XIRP2: variants seen among roughly 807,000 people sequenced by gnomAD.
XIRP2 encodes the protein xin actin binding repeat containing 2.
In XIRP2, 236 loss-of-function variants were observed where a neutral mutation model predicts 277.0. That is an observed-to-expected ratio of 0.85 (90% CI 0.77 to 0.95). The LOEUF is 0.95. XIRP2 is among the 40% of genes least tolerant of loss of function. The probability of loss-of-function intolerance (pLI) is 0.00; values close to 1 mark genes in which losing one functional copy is unlikely to be tolerated. For synonymous variants in XIRP2, 1,490 were observed against 1,416.5 expected (o/e 1.05, Z -1.17); for missense variants, 4,640 against 4,157.5 (o/e 1.12, Z -3.19).
At chr2:167,002,221 G>A (rs752935108) in intron 2 of XIRP2, among the ~76,000 whole-genome samples, 2 of 151,890 alleles carry the variant, frequency 1.3e-5, no homozygotes, top group South Asian at 2.1e-4. Context: ...TAAAGCATCC[G>A]GATTGAAATA....
intron 5 of XIRP2, among the ~76,000 whole-genome samples, chr2:167,222,171 C>T (rs2105405575): frequency 6.6e-6 from 1 of 152,220 alleles, no homozygotes; most frequent in African/African-American, 2.4e-5. Context: ...AAGGGGTGCA[C>T]AATATAAGAA....
At chr2:166,975,364 A>T (rs975381162) in intron 2 of XIRP2, among the ~76,000 whole-genome samples, 1 of 152,232 alleles carries the variant, frequency 6.6e-6, no homozygotes, top group African/African-American at 2.4e-5. Context: ...AAGTGCATAT[A>T]GTATATTCTC....
chr2:167,114,177 A>ACATTCAT (rs2105297705), intron 2 of XIRP2, among the ~76,000 whole-genome samples: 2 of 152,250 alleles, frequency 1.3e-5, no homozygotes, highest in Admixed American at 1.3e-4. Context: ...TGACCTCTCT[A>ACATTCAT]GTAAGCTTGG....
chr2:167,135,906 C>T lies in XIRP2; in HGVS notation c.409-3C>T. 6.3e-7 allele frequency: 1 copy of T among 1,594,954 alleles called. No homozygotes were observed. Among genetic ancestry groups the T allele is most frequent in the Non-Finnish European group, 8.5e-7 (1 of 1,171,522 alleles). On this transcript the variant is annotated splice_polypyrimidine_tract_variant and splice_region_variant and intron_variant, in intron 2 of 10. Transcript: ENST00000409195. ...CATACAACCCTTTAATGTCTTGTAA[C>T]AGGAAGTGGAAATTGAGCGAAGTTT...
At chr2:167,146,724 A>C (rs1297329323) in intron 3 of XIRP2, among the ~76,000 whole-genome samples, 2 of 152,146 alleles carry the variant, frequency 1.3e-5, no homozygotes, top group Non-Finnish European at 2.9e-5. Context: ...TTAAAGGACC[A>C]GTTAGGTCCT....
chr2:166,976,580 C>T (rs1274997753), intron 2 of XIRP2, among the ~76,000 whole-genome samples: 3 of 152,212 alleles, frequency 2.0e-5, no homozygotes, highest in African/African-American at 4.8e-5. Context: ...ATACCTGACA[C>T]TCCCAATTTC....
Position 167,246,601 on chromosome 2 carries a change from GC to G in XIRP2, c.5211del (p.Ser1738LeufsTer13). On this transcript the variant is annotated frameshift_variant, in exon 9 of 11. Transcript: ENST00000409195. LOFTEE classifies it high-confidence loss of function. The stretch of plus-strand genomic sequence containing the variant: ...AATATCTGAAAGGGCTAAAATTGAT[GC>G]CTCTGAGAGAGGAAATGTTCAGTTT... ...NKISERAKID[A>X]SERGNVQFFT... 1 of 1,613,796 alleles carries G rather than the reference GC, an allele frequency of 6.2e-7. No homozygotes were observed. Among genetic ancestry groups the G allele is most frequent in the Non-Finnish European group, 8.5e-7 (1 of 1,179,850 alleles).
At chr2:166,914,297 G>T (rs1684798872) in intron 2 of XIRP2, among the ~76,000 whole-genome samples, 1 of 152,112 alleles carries the variant, frequency 6.6e-6, no homozygotes, top group African/African-American at 2.4e-5. Flanking sequence ...TTCTGAATTT[G>T]ACTTCTGGAA....
At chr2:167,195,496 C>G (rs545088150) in intron 3 of XIRP2, among the ~76,000 whole-genome samples, 1 of 152,210 alleles carries the variant, frequency 6.6e-6, no homozygotes, top group Non-Finnish European at 1.5e-5. Flanking sequence ...ATGTCCTGCA[C>G]AGCAGCCCCT....
intron 3 of XIRP2, among the ~76,000 whole-genome samples, chr2:167,139,071 A>AATAT (rs3061380): frequency 6.0e-5 from 9 of 150,622 alleles, no homozygotes; most frequent in Middle Eastern, 3.5e-3. Context: ...TGTCTCAAAA[A>AATAT]ATATATATAT....
intron 2 of XIRP2, among the ~76,000 whole-genome samples, chr2:166,935,422 GT>G (rs1439572416): frequency 6.6e-6 from 1 of 151,794 alleles, no homozygotes; most frequent in African/African-American, 2.4e-5. Flanking sequence ...TTTTGTTTTT[GT>G]TTTTTTATAC....
At chr2:166,915,894 T>C (rs956744024) in intron 2 of XIRP2, among the ~76,000 whole-genome samples, 1 of 152,170 alleles carries the variant, frequency 6.6e-6, no homozygotes, top group African/African-American at 2.4e-5. Context: ...TATTCAAACA[T>C]GAGCTGAACT....
In XIRP2 at chr2:167,241,804, T is replaced by G. The variant is rs541990224; in HGVS notation, c.1070T>G (p.Ile357Ser). 241 of 1,613,450 alleles carry G rather than the reference T, an allele frequency of 1.5e-4. No homozygotes were observed. The highest frequency in any genetic ancestry group is 1.9e-4 in the Non-Finnish European group (220 of 1,179,666). ...TVIDTPEDEE[I>S]PKVSTKLLKE... is the part of the protein sequence containing the mutation. ...ATTGATACACCTGAGGATGAAGAGA[T>G]TCCAAAGGTTTCGACTAAGTTGTTA... The change falls in exon 8 of 11, where the codon ATT (isoleucine) becomes AGT (serine). Residue 357 changes from isoleucine to serine, a missense_variant. Physicochemically the swap from Ile to Ser is moderately radical, Grantham distance 142. Coordinates refer to ENST00000409195, the MANE Select transcript of XIRP2 (RefSeq NM_152381.6).
chr2:167,144,966 G>T (rs1283590643), intron 3 of XIRP2, among the ~76,000 whole-genome samples: 1 of 152,142 alleles, frequency 6.6e-6, no homozygotes, highest in Non-Finnish European at 1.5e-5. Flanking sequence ...TGCATTGGAA[G>T]TTGGAAACTA....
chr2:166,945,746 A>G (rs1204978636), intron 2 of XIRP2, among the ~76,000 whole-genome samples: 1 of 135,130 alleles, frequency 7.4e-6, no homozygotes, highest in Non-Finnish European at 1.5e-5. Flanking sequence ...ACCTCAGCTC[A>G]CTGTAACCTC....
intron 2 of XIRP2, among the ~76,000 whole-genome samples, chr2:166,957,377 C>G (rs1686188034): frequency 6.6e-6 from 1 of 151,422 alleles, no homozygotes; most frequent in African/African-American, 2.4e-5. Context: ...TTATTTTATT[C>G]CAGTTTTATT....
intron 1 of XIRP2, among the ~76,000 whole-genome samples, chr2:166,894,900 T>C (rs1221672612): frequency 6.6e-6 from 1 of 152,184 alleles, no homozygotes; most frequent in Admixed American, 6.6e-5. Flanking sequence ...ATATCATCTT[T>C]GGTAAGTCAG....
At chr2:167,078,795 G>A (rs1364288340) in intron 2 of XIRP2, among the ~76,000 whole-genome samples, 2 of 148,118 alleles carry the variant, frequency 1.4e-5, no homozygotes, top group South Asian at 2.1e-4. Flanking sequence ...CCGAGATCGC[G>A]CCACTGCACT....
At chr2:167,026,052 G>T (rs893260332) in intron 2 of XIRP2, among the ~76,000 whole-genome samples, 5 of 152,078 alleles carry the variant, frequency 3.3e-5, no homozygotes, top group East Asian at 1.9e-4. Context: ...GTTGAGTGTG[G>T]GGTGTTAAAG....
Sources: gnomAD v4.1 joint callset for allele counts (sites outside exome capture counted in the v4.1 genomes callset) on GRCh38, gnomAD v4.1.1 for gene constraint, MANE v1.5 for transcripts, NCBI Gene and HGNC (gene_info 2026-07-23, HGNC 2026-07-21) for gene names.